Variants in ARNT observed in about 807,000 individuals in gnomAD.
The protein encoded by ARNT is aryl hydrocarbon receptor nuclear translocator, also known as class E basic helix-loop-helix protein 2.
A neutral mutation model predicts 105.0 loss-of-function variants in ARNT; 30 were observed. That is an observed-to-expected ratio of 0.29 (90% CI 0.21 to 0.39). The LOEUF (loss-of-function observed/expected upper bound fraction) is 0.39. ARNT is among the 10% of genes least tolerant of loss of function. ARNT has a pLI of 1.00. For missense variants in ARNT, 748 were observed against 978.7 expected (o/e 0.76, Z 3.15); for synonymous variants, 304 against 344.0 (o/e 0.88, Z 1.29).
chr1:150,834,322 AATAAG>A (rs1659883011), intron 8 of ARNT, among the ~76,000 whole-genome samples: 1 of 152,212 alleles, frequency 6.6e-6, no homozygotes, highest in Non-Finnish European at 1.5e-5. Flanking sequence ...GTGAGGATAA[AATAAG>A]ATGACAGATA....
At chr1:150,836,241 A>G in intron 7 of ARNT, 39 bp downstream of exon 7, 2 of 1,591,302 alleles carry the variant, frequency 1.3e-6, no homozygotes, top group Non-Finnish European at 8.6e-7. Flanking sequence ...AAAAACAAGA[A>G]AGGACTTCTC....
intron 2 of ARNT, among the ~76,000 whole-genome samples, chr1:150,854,747 C>A (rs968092325): frequency 6.6e-6 from 1 of 150,972 alleles, no homozygotes; most frequent in African/African-American, 2.4e-5. Context: ...ATCCCAGCTA[C>A]TCGGGAGGCT....
At chr1:150,835,769 C>T (rs1660206585) in intron 7 of ARNT, among the ~76,000 whole-genome samples, 1 of 151,434 alleles carries the variant, frequency 6.6e-6, no homozygotes, top group South Asian at 2.1e-4. Flanking sequence ...AAACTCTGGC[C>T]AAAAGACTGA....
intron 19 of ARNT, among the ~76,000 whole-genome samples, 188 bp downstream of exon 19, chr1:150,816,071 C>G (rs921171910): frequency 6.6e-6 from 1 of 152,044 alleles, no homozygotes; most frequent in African/African-American, 2.4e-5. Flanking sequence ...ACCACAGACT[C>G]TACTGAGATT....
rs997901704 is a variant in ARNT at position 150,816,108 on chromosome 1, T to C, written c.1950+151A>G. ...TTTTTTATTATCTGTGATTTTTAAT[T>C]AGCTACTCTCAACAAAGATGGAAAT... On this transcript the variant is annotated intron_variant, in intron 19 of 21. Coordinates refer to ENST00000358595, the MANE Select transcript of ARNT (RefSeq NM_001668.4). 6 of 948,316 alleles carry C rather than the reference T, an allele frequency of 6.3e-6. No homozygotes were observed. In the Admixed American group the frequency reaches 1.4e-4, roughly 22 times the overall value. The allele number at this position is 948,316 out of a possible 1,614,324, so 58.7% of individuals were successfully genotyped here. A position where few individuals can be genotyped will look rare whatever the true frequency, so the allele number is the denominator to read the frequency against.
chr1:150,851,315 A>C (rs1336784280), intron 3 of ARNT, among the ~76,000 whole-genome samples: 1 of 150,550 alleles, frequency 6.6e-6, no homozygotes, highest in Non-Finnish European at 1.5e-5. Context: ...CCTTCTGGGA[A>C]GTGAGGAGCC....
chr1:150,817,787 T>G, intron 15 of ARNT, 133 bp downstream of exon 15: 1 of 700,590 alleles, frequency 1.4e-6, no homozygotes, highest in Non-Finnish European at 2.3e-6. Flanking sequence ...CCATCCAGCC[T>G]GAGCAATGAG....
At chr1:150,840,249 A>C (rs1024081597) in intron 5 of ARNT, among the ~76,000 whole-genome samples, 13 of 148,564 alleles carry the variant, frequency 8.8e-5, no homozygotes, top group African/African-American at 3.2e-4. Context: ...TCAAAAAAAA[A>C]CAAAAAACAA....
intron 1 of ARNT, among the ~76,000 whole-genome samples, chr1:150,864,180 T>C (rs587756707): frequency 1.2e-4 from 18 of 152,310 alleles, no homozygotes; most frequent in African/African-American, 4.3e-4. Flanking sequence ...GAAAAAGTAA[T>C]GTGTTGTGCT....
Position 150,810,631 on chromosome 1 carries a change from T to TAA in ARNT, c.*1389_*1390insTT. 2 of 208,248 alleles carry TAA rather than the reference T, an allele frequency of 9.6e-6. No individual in the cohort carries two copies. The highest frequency in any genetic ancestry group is 1.9e-5 in the Non-Finnish European group (2 of 103,540). 12.9% of individuals were successfully genotyped at this position (208,248 alleles called of 1,614,324 possible). A position where few individuals can be genotyped will look rare whatever the true frequency, so the allele number is the denominator to read the frequency against. The stretch of plus-strand genomic sequence containing the variant: ...ACTTTAGCTACTGGCCAAAGCCAAT[T>TAA]TAAAAAAAAAAAAAAAAAAGCTGGT... On this transcript the variant is annotated 3_prime_UTR_variant, in exon 22 of 22. Transcript: ENST00000358595.
intron 3 of ARNT, among the ~76,000 whole-genome samples, chr1:150,849,191 G>GA (rs1662839827): frequency 6.6e-6 from 1 of 151,386 alleles, no homozygotes; most frequent in Admixed American, 6.6e-5. Context: ...CAACAAGAGT[G>GA]AAAATCAGTC....
intron 1 of ARNT, among the ~76,000 whole-genome samples, chr1:150,876,113 G>A (rs1288315763): frequency 6.6e-6 from 1 of 152,222 alleles, no homozygotes; most frequent in Non-Finnish European, 1.5e-5. Context: ...CTCAACTAAA[G>A]AGCAGTGTGG....
At chr1:150,826,722 G>A (rs1452093582) in intron 12 of ARNT, 105 bp from the exon 13 acceptor site, 12 of 749,786 alleles carry the variant, frequency 1.6e-5, no homozygotes, top group Non-Finnish European at 2.7e-5. Context: ...TTGGCTCACT[G>A]CAACCTCCAC....
chr1:150,830,110 AC>A, intron 10 of ARNT, 130 bp from the exon 11 acceptor site: 2 of 995,224 alleles, frequency 2.0e-6, no homozygotes, highest in East Asian at 2.7e-5. Context: ...TGTAATCCCA[AC>A]ACTTTGGGAA....
intron 9 of ARNT, among the ~76,000 whole-genome samples, 171 bp downstream of exon 9, chr1:150,832,163 T>G (rs10305703): frequency 1.4e-4 from 22 of 152,276 alleles, no homozygotes; most frequent in Admixed American, 5.2e-4. Flanking sequence ...TTTAGAAGTT[T>G]AGGAAAATAT....
At chr1:150,813,916 G>A (rs1253689039) in intron 20 of ARNT, among the ~76,000 whole-genome samples, 161 bp downstream of exon 20, 2 of 152,074 alleles carry the variant, frequency 1.3e-5, no homozygotes, top group East Asian at 1.9e-4. Flanking sequence ...GTGAGCCACC[G>A]CACCCAGCTG....
chr1:150,815,729 C>T (rs933812163), intron 19 of ARNT, among the ~76,000 whole-genome samples: 4 of 148,822 alleles, frequency 2.7e-5, no homozygotes, highest in Admixed American at 6.7e-5. Flanking sequence ...GGCGCAGTGG[C>T]GGGCGCCTGT....
At chr1:150,834,474 G>T in intron 8 of ARNT, 64 bp downstream of exon 8, 1 of 1,516,062 alleles carries the variant, frequency 6.6e-7, no homozygotes, top group East Asian at 2.3e-5. Context: ...AACTCTGACA[G>T]AAATAAAACT....
chr1:150,854,356 A>C (rs1343355427), intron 2 of ARNT, among the ~76,000 whole-genome samples: 1 of 151,334 alleles, frequency 6.6e-6, no homozygotes, highest in African/African-American at 2.4e-5. Context: ...TCAGGAGTTT[A>C]AGACCAGCCT....
Sources: gnomAD v4.1 joint callset for allele counts (sites outside exome capture counted in the v4.1 genomes callset) on GRCh38, gnomAD v4.1.1 for gene constraint, MANE v1.5 for transcripts, NCBI Gene and HGNC (gene_info 2026-07-23, HGNC 2026-07-21) for gene names.